RAB40A: variants seen among roughly 807,000 people sequenced by gnomAD.
RAB40A encodes the protein ras-related protein Rab-40A.
For missense variants in RAB40A, 145 were observed against 230.2 expected, an observed-to-expected ratio of 0.63 and a Z score of 2.40; for synonymous variants, 65 against 99.9, an observed-to-expected ratio of 0.65 and a Z score of 2.08.
intron 2 of RAB40A, chrX:103,503,538 C>G: frequency 6.8e-6 from 5 of 736,528 alleles, no homozygotes; most frequent in Non-Finnish European, 8.0e-6. Flanking sequence ...GAACTGGCAT[C>G]GTAGTTTGTC....
chrX:103,509,965 C>A (rs2073280166), intron 2 of RAB40A, among the ~76,000 whole-genome samples: 1 of 110,399 alleles, frequency 9.1e-6, no homozygotes, highest in South Asian at 3.9e-4. Context: ...GCCACCACGC[C>A]TGGCTAATTT....
At position 103,499,966 on chromosome X, in the gene RAB40A, C is replaced by G. The variant is rs1375613587; in HGVS notation, c.791G>C (p.Ser264Thr). Reference sequence around the variant, plus strand: ...GTTTCTGGTGCAGTTTTTGGGTGGGCTCTGGGGTGGGCAGACGATCTCCAC... The same window carrying G: ...GTTTCTGGTGCAGTTTTTGGGTGGGGTCTGGGGTGGGCAGACGATCTCCAC... ...CKVEIVCPPQ[S>T]PPKNCTRNSC... is the part of the protein sequence containing the mutation. Residue 264 changes from serine (S) to threonine (T), a missense_variant, in exon 3 of 3, where the codon AGC becomes ACC. By Grantham distance (58) the Ser-to-Thr change is moderately conservative. Coordinates refer to ENST00000304236, the MANE Select transcript of RAB40A (RefSeq NM_080879.3). The G allele has an allele frequency of 5.8e-6, 7 of 1,207,853 alleles. No homozygotes were observed. The highest frequency in any genetic ancestry group is 7.8e-6 in the Non-Finnish European group (7 of 893,248).
chrX:103,504,396 T>C (rs1165890392), intron 2 of RAB40A, among the ~76,000 whole-genome samples: 1 of 112,109 alleles, frequency 8.9e-6, no homozygotes, highest in African/African-American at 3.2e-5. Flanking sequence ...AGCTAACTTA[T>C]TTTTTGGAAG....
chrX:103,494,804 T>C (rs948231362), downstream of RAB40A, among the ~76,000 whole-genome samples: 1 of 111,660 alleles, frequency 9.0e-6, no homozygotes, highest in Non-Finnish European at 1.9e-5. Context: ...AGTACCATGC[T>C]GTTTTGGTGA....
chrX:103,498,045 A>G (rs1214634050), downstream of RAB40A, among the ~76,000 whole-genome samples: 1 of 112,330 alleles, frequency 8.9e-6, no homozygotes, highest in Non-Finnish European at 1.9e-5. Context: ...ATCAAAGTAT[A>G]AAAAGAAACC....
chrX:103,513,794 CAGGAGTTCT>C (rs1280630461), intron 2 of RAB40A, among the ~76,000 whole-genome samples: 2 of 109,962 alleles, frequency 1.8e-5, no homozygotes, highest in East Asian at 5.7e-4. Context: ...CACTTGAGCC[CAGGAGTTCT>C]AGGCTGTAGC....
chrX:103,517,456 A>G lies in RAB40A; in HGVS notation c.-153T>C, dbSNP rs1446787802. The G allele has an allele frequency of 1.8e-5, 2 of 111,447 alleles. No individual in the cohort carries two copies. Among genetic ancestry groups the G allele is most frequent in the Admixed American group, 9.6e-5 (1 of 10,410 alleles). The allele number at this position is 111,447 out of a possible 1,213,427, so 9.2% of individuals were successfully genotyped here. On this transcript the variant is annotated 5_prime_UTR_variant, in exon 2 of 3. Transcript: ENST00000304236. ...CTGTCTTCTGTCTAGCTGACTCATTATTATTCTTTGCTCTTCTGTACTATT... is the reference window on the plus strand; with the variant it reads ...CTGTCTTCTGTCTAGCTGACTCATTGTTATTCTTTGCTCTTCTGTACTATT...
intron 2 of RAB40A, among the ~76,000 whole-genome samples, chrX:103,505,994 A>G (rs2073252789): frequency 8.9e-6 from 1 of 112,130 alleles, no homozygotes; most frequent in Admixed American, 9.4e-5. Flanking sequence ...CACCTGTGTC[A>G]TAAGTGAAAA....
At chrX:103,515,270 T>G (rs183809446) in intron 2 of RAB40A, among the ~76,000 whole-genome samples, 41 of 112,058 alleles carry the variant, frequency 3.7e-4, no homozygotes, top group Non-Finnish European at 7.0e-4. Flanking sequence ...AGTGTCAAAA[T>G]GGAAGGTAAA....
chrX:103,516,454 G>GTGTA (rs1453858712), intron 2 of RAB40A, among the ~76,000 whole-genome samples: 1 of 111,547 alleles, frequency 9.0e-6, no homozygotes, highest in Non-Finnish European at 1.9e-5. Context: ...AGACCCTATA[G>GTGTA]TGTACAGTGT....
intron 2 of RAB40A, among the ~76,000 whole-genome samples, chrX:103,505,807 GTTTT>G (rs2073251921): frequency 1.8e-5 from 2 of 111,392 alleles, no homozygotes; most frequent in African/African-American, 6.5e-5. Flanking sequence ...GGGATTAACA[GTTTT>G]TTGTCTAGTG....
At position 103,500,006 on chromosome X, in the gene RAB40A, T is replaced by A. The variant is rs2073213176; in HGVS notation, c.751A>T (p.Ser251Cys). Residue 251 changes from serine (S) to cysteine (C), a missense_variant, in exon 3 of 3, where the codon AGC (serine) becomes TGC (cysteine). Ser to Cys is a moderately radical substitution (Grantham distance 112, BLOSUM62 -1). Coordinates refer to ENST00000304236, the MANE Select transcript of RAB40A (RefSeq NM_080879.3). ...ACGATCTCCACTTTGCAGAGGCTGCTCTTGTGAGTGGAGCTGGTGGTGAGG... is the reference window on the plus strand; with the variant it reads ...ACGATCTCCACTTTGCAGAGGCTGCACTTGTGAGTGGAGCTGGTGGTGAGG... ...YSLTTSSTHK[S>C]SLCKVEIVCP... 1 of 1,208,844 alleles carries A rather than the reference T, an allele frequency of 8.3e-7. No homozygotes were observed. The highest frequency in any genetic ancestry group is 2.2e-5 in the Admixed American group (1 of 46,071).
At chrX:103,512,024 C>A (rs1158658259) in intron 2 of RAB40A, among the ~76,000 whole-genome samples, 1 of 110,748 alleles carries the variant, frequency 9.0e-6, no homozygotes, top group Non-Finnish European at 1.9e-5. Context: ...TGCAAGCAAG[C>A]AACATCATGG....
chrX:103,498,240 C>G (rs1350157266), downstream of RAB40A, among the ~76,000 whole-genome samples: 1 of 111,915 alleles, frequency 8.9e-6, no homozygotes, highest in Non-Finnish European at 1.9e-5. Context: ...AGCATGGCCC[C>G]TGTCCCTCTG....
chrX:103,506,337 C>A (rs1037828852), intron 2 of RAB40A, among the ~76,000 whole-genome samples: 2 of 111,049 alleles, frequency 1.8e-5, no homozygotes, highest in African/African-American at 6.5e-5. Context: ...ATTATAATAG[C>A]TTTATATTTT....
At chrX:103,502,716 G>C (rs2073235131) in intron 2 of RAB40A, 4 of 765,026 alleles carry the variant, frequency 5.2e-6, no homozygotes, top group Non-Finnish European at 6.3e-6. Context: ...GGGTCCTTTA[G>C]GGAGGGTGAG....
intron 2 of RAB40A, among the ~76,000 whole-genome samples, chrX:103,511,511 A>G (rs866252805): frequency 1.0e-5 from 1 of 99,059 alleles, no homozygotes. Context: ...TCAAAAAAAA[A>G]GAAAAAAAAA....
At chrX:103,503,767 A>G (rs923253826) in intron 2 of RAB40A, among the ~76,000 whole-genome samples, 1 of 111,386 alleles carries the variant, frequency 9.0e-6, no homozygotes, top group Admixed American at 9.5e-5. Context: ...ATGTTCTGGT[A>G]TATGTGAAAC....
chrX:103,501,278 T>C (rs1048297557), intron 2 of RAB40A: 84 of 126,548 alleles, frequency 6.6e-4, no homozygotes, highest in African/African-American at 2.2e-4. Flanking sequence ...TTTTAAAACA[T>C]TGCCATTAAT....
Sources: gnomAD v4.1 joint callset for allele counts (sites outside exome capture counted in the v4.1 genomes callset) on GRCh38, gnomAD v4.1.1 for gene constraint, MANE v1.5 for transcripts, NCBI Gene and HGNC (gene_info 2026-07-23, HGNC 2026-07-21) for gene names.